The following HECTD4 variants were observed in gnomAD, a reference collection of about 807,000 sequenced individuals.
HECTD4 encodes HECT domain E3 ubiquitin protein ligase 4, also known as probable E3 ubiquitin-protein ligase HECTD4.
Under a neutral mutation model 471.5 loss-of-function variants are expected in HECTD4, and 114 were observed. The observed-to-expected ratio is 0.24, with a 90% CI of 0.21 to 0.28. The LOEUF (loss-of-function observed/expected upper bound fraction) is 0.28. HECTD4 is among the 10% of genes least tolerant of loss of function. HECTD4 has a pLI of 1.00. For missense variants in HECTD4, 3,866 were observed against 5,651.5 expected (o/e 0.68, Z 10.13); for synonymous variants, 2,012 against 2,256.0 (o/e 0.89, Z 3.07).
chr12:112,217,192 T>C lies in HECTD4; in HGVS notation c.7078A>G (p.Lys2360Glu). The C allele has an allele frequency of 6.6e-7, 1 of 1,508,706 alleles. No individual in the cohort carries two copies. 93.5% of individuals were successfully genotyped at this position (1,508,706 alleles called of 1,614,324 possible). ...PPLQADRRQP[K>E]EITWSPSRVF... is the part of the protein sequence containing the mutation. ...CGCGAGGGGCTCCAAGTAATCTCTTTGGGCTGCATCAGGGAGAAAAACCCA... is the reference window on the plus strand; with the variant it reads ...CGCGAGGGGCTCCAAGTAATCTCTTCGGGCTGCATCAGGGAGAAAAACCCA... The change falls in exon 46 of 76, where the codon AAA becomes GAA. Residue 2360 changes from lysine (K) to glutamate (E), a missense_variant. Physicochemically the swap from Lys to Glu is moderately conservative, Grantham distance 56. Around this residue, in one of 16 missense-constraint regions of HECTD4, gnomAD observed 617 missense variants for 915.1 expected, o/e 0.67. Coordinates refer to ENST00000682272, the MANE Select transcript of HECTD4 (RefSeq NM_001388303.1).
At chr12:112,316,698 A>T (rs1439890418) in intron 2 of HECTD4, among the ~76,000 whole-genome samples, 2 of 152,194 alleles carry the variant, frequency 1.3e-5, no homozygotes, top group Non-Finnish European at 2.9e-5. Flanking sequence ...AATCTTCATA[A>T]TAATTTTGGG....
intron 1 of HECTD4, among the ~76,000 whole-genome samples, chr12:112,326,545 C>G (rs2035750077): frequency 6.6e-6 from 1 of 152,086 alleles, no homozygotes; most frequent in South Asian, 2.1e-4. Context: ...TCATTTTAGC[C>G]AATTTACTAA....
At chr12:112,344,934 AAGAGAAGAGAAG>A (rs1488804586) in intron 1 of HECTD4, among the ~76,000 whole-genome samples, 1 of 151,558 alleles carries the variant, frequency 6.6e-6, no homozygotes, top group African/African-American at 2.4e-5. Flanking sequence ...AAGAAAAGAG[AAGAGAAGAGAAG>A]AGAGAAGAGA....
rs61941332 is a variant in HECTD4, at chr12:112,243,447, C to T, written c.4864G>A (p.Val1622Met). The T allele has an allele frequency of 2.6e-3, 4,199 of 1,610,568 alleles. 15 individuals carry two copies. The highest frequency in any genetic ancestry group is 3.2e-3 in the Non-Finnish European group (3,792 of 1,178,510). ...GCTGTCAGCAATTCCCGCATGTGCA[C>T]CAGTGCCTGCTTGCGAGTGTTTCCC... ...RRGNTRKQAL[V>M]HMRELLTAAV... Residue 1622 changes from valine (V) to methionine (M), a missense_variant, in exon 32 of 76, where the codon GTG becomes ATG. Coordinates refer to ENST00000682272, the MANE Select transcript of HECTD4 (RefSeq NM_001388303.1). This position sits in a 1 kb window ranked among gnomAD's most constrained non-coding sequence, Gnocchi z 6.6.
At chr12:112,285,554 G>A (rs976278526) in intron 7 of HECTD4, among the ~76,000 whole-genome samples, 3 of 151,882 alleles carry the variant, frequency 2.0e-5, no homozygotes, top group Non-Finnish European at 2.9e-5. Flanking sequence ...ACCTTAACAC[G>A]TCCCAATGAA....
chr12:112,243,686 G>A lies in HECTD4; in HGVS notation c.4725C>T (p.Asp1575=). The change falls in exon 31 of 76, where the codon GAC becomes GAT. Residue 1575 remains aspartate (D), a synonymous_variant. Coordinates refer to ENST00000682272, the MANE Select transcript of HECTD4 (RefSeq NM_001388303.1). This position sits in a 1 kb window ranked among gnomAD's most constrained non-coding sequence, Gnocchi z 6.6. ...LQSLAIEDSR[D]KPTYSVLLGQ... ...CTAGCAGGACACTGTAGGTGGGCTT[G>A]TCCCTGCTGTCCTCAATGGCCAGCG... 6.2e-7 allele frequency: 1 copy of A among 1,613,756 alleles called. No individual in the cohort carries two copies. The highest frequency in any genetic ancestry group is 1.3e-5 in the African/African-American group (1 of 75,064).
intron 16 of HECTD4, among the ~76,000 whole-genome samples, chr12:112,264,568 T>C (rs2034224641): frequency 6.6e-6 from 1 of 152,114 alleles, no homozygotes; most frequent in Admixed American, 6.5e-5. Context: ...AAAACACTCA[T>C]GGTTTAGAAA....
rs768872271 is a variant in HECTD4 at position 112,228,659 on chromosome 12, A to G, written c.6672T>C (p.Val2224=). ...TLTIPLSRLC[V]PRSEALPLHK... Reference sequence around the variant, plus strand: ...AAAATCACCTTACCTCTGATCTTGGAACACAAAGTCTAGACAATGGAATAG... The same window carrying G: ...AAAATCACCTTACCTCTGATCTTGGGACACAAAGTCTAGACAATGGAATAG... The change falls in exon 42 of 76, where the codon GTT becomes GTC. Residue 2224 remains valine (V), a synonymous_variant. Coordinates refer to ENST00000682272, the MANE Select transcript of HECTD4 (RefSeq NM_001388303.1). This position sits in a 1 kb window ranked among gnomAD's most constrained non-coding sequence, Gnocchi z 4.9. 6.2e-7 allele frequency: 1 copy of G among 1,600,794 alleles called. No individual in the cohort carries two copies. Among genetic ancestry groups the G allele is most frequent in the Admixed American group, 1.8e-5 (1 of 54,962 alleles).
Position 112,228,323 on chromosome 12 carries a change from G to T in HECTD4, c.6685-65C>A. 2 of 1,396,230 alleles carry T rather than the reference G, an allele frequency of 1.4e-6. No individual in the cohort carries two copies. Among genetic ancestry groups the T allele is most frequent in the Middle Eastern group, 1.8e-4 (1 of 5,408 alleles). The allele number at this position is 1,396,230 out of a possible 1,614,324, so 86.5% of individuals were successfully genotyped here. On this transcript the variant is annotated intron_variant, in intron 42 of 75. Transcript: ENST00000682272. This position sits in a 1 kb window ranked among gnomAD's most constrained non-coding sequence, Gnocchi z 4.9. ...AGTAGTTAGTTTATAAGAAATGAGG[G>T]TGTTATTATTATCTGGAGTTAATTC...
chr12:112,193,347 GA>G lies in HECTD4; in HGVS notation c.8955+121del. 1.5e-6 allele frequency: 2 copies of G among 1,352,886 alleles called. No individual in the cohort carries two copies. The highest frequency in any genetic ancestry group is 1.3e-5 in the South Asian group (1 of 75,838). The allele number at this position is 1,352,886 out of a possible 1,614,324, so 83.8% of individuals were successfully genotyped here. A position where few individuals can be genotyped will look rare whatever the true frequency, so the allele number is the denominator to read the frequency against. Reference sequence around the variant, plus strand: ...TGAGATAAAGCAGAAAAGCTTCTAGGAAAAGGAAATCGAGAGGAATAGGGAC... The same window carrying G: ...TGAGATAAAGCAGAAAAGCTTCTAGGAAAGGAAATCGAGAGGAATAGGGAC... On this transcript the variant is annotated intron_variant, in intron 57 of 75. Transcript: ENST00000682272. This position sits in a 1 kb window ranked among gnomAD's most constrained non-coding sequence, Gnocchi z 5.2.
chr12:112,304,351 T>C (rs1260229657), intron 7 of HECTD4, among the ~76,000 whole-genome samples: 1 of 150,978 alleles, frequency 6.6e-6, no homozygotes, highest in African/African-American at 2.4e-5. Context: ...TGGTCGACCT[T>C]CCAGGCTGAA....
rs1254344231 is a variant in HECTD4 at position 112,188,116 on chromosome 12, G to A, written c.9473-2623C>T. On this transcript the variant is annotated intron_variant, in intron 60 of 75. Coordinates refer to ENST00000682272, the MANE Select transcript of HECTD4 (RefSeq NM_001388303.1). The surrounding 1 kb of genome is among the most constrained non-coding windows in gnomAD (Gnocchi z 4.2). ...AGCCTGGCTAACATGGTGAAATCCT[G>A]TTTCTACTAAAAATACAAAAAAATT... 6.6e-6 allele frequency among the ~76,000 whole-genome samples: 1 copy of A among 151,842 alleles called. No homozygotes were observed. The highest frequency in any genetic ancestry group is 2.4e-5 in the African/African-American group (1 of 41,370).
intron 1 of HECTD4, among the ~76,000 whole-genome samples, chr12:112,339,533 T>C (rs1472889151): frequency 6.6e-6 from 1 of 152,080 alleles, no homozygotes; most frequent in Non-Finnish European, 1.5e-5. Context: ...TTAAAGGTAC[T>C]AGTAAGGGTC....
chr12:112,251,227 A>C, intron 23 of HECTD4, 93 bp from the exon 24 acceptor site: 1 of 1,226,546 alleles, frequency 8.2e-7, no homozygotes, highest in Non-Finnish European at 1.1e-6. Flanking sequence ...CCCCAACCAC[A>C]GGGTTCTACA....
intron 14 of HECTD4, among the ~76,000 whole-genome samples, chr12:112,266,416 T>G (rs1458287089): frequency 6.6e-6 from 1 of 152,256 alleles, no homozygotes; most frequent in African/African-American, 2.4e-5. Flanking sequence ...TTATAAAGCT[T>G]GCAGATATAT....
At chr12:112,171,486 C>T (rs2031218750) in intron 67 of HECTD4, 4 of 636,058 alleles carry the variant, frequency 6.3e-6, no homozygotes, top group Non-Finnish European at 5.3e-6. Context: ...GGTGCTGGCT[C>T]TTAAGGAGTC....
chr12:112,240,129 C>A, intron 32 of HECTD4, 102 bp from the exon 33 acceptor site: 1 of 1,203,280 alleles, frequency 8.3e-7, no homozygotes. Flanking sequence ...TGGATGAATC[C>A]AGAACTGAAG....
At chr12:112,312,062 G>C (rs2035385270) in intron 4 of HECTD4, among the ~76,000 whole-genome samples, 2 of 152,202 alleles carry the variant, frequency 1.3e-5, no homozygotes, top group African/African-American at 4.8e-5. Flanking sequence ...TCTCCTCCGT[G>C]CTGGTGGGGT....
chr12:112,309,750 C>G, intron 4 of HECTD4, 81 bp from the exon 5 acceptor site: 1 of 651,322 alleles, frequency 1.5e-6, no homozygotes, highest in Non-Finnish European at 2.5e-6. Context: ...AATGAAAAAG[C>G]CATTAGGAGG....
Sources: allele counts gnomAD v4.1 joint callset (sites outside exome capture counted in the v4.1 genomes callset), GRCh38; gene constraint gnomAD v4.1.1; regional missense constraint gnomAD v4.1.1; non-coding constraint Gnocchi (gnomAD v3.1); transcripts MANE v1.5; gene names NCBI Gene and HGNC (gene_info 2026-07-23, HGNC 2026-07-21).